Variants in DYSF observed in about 807,000 individuals in gnomAD.
DYSF encodes the protein dysferlin, also known as dystrophy-associated fer-1-like 1.
Under a neutral mutation model 274.9 loss-of-function variants are expected in DYSF, and 212 were observed. The ratio of observed to expected loss-of-function variants is 0.77; its 90% CI spans 0.69 to 0.86. The LOEUF (loss-of-function observed/expected upper bound fraction) is 0.86, where lower values mean the gene tolerates loss of function less well. Among genes scored for constraint, DYSF ranks in the 40% least tolerant of loss-of-function variants. The pLI, the probability that DYSF is intolerant of heterozygous loss-of-function variation, is 0.00. For synonymous variants in DYSF, 1,091 were observed against 1,078.7 expected (o/e 1.01, Z -0.22); for missense variants, 2,666 against 2,783.2 (o/e 0.96, Z 0.95).
intron 10 of DYSF, 80 bp downstream of exon 10, chr2:71,517,119 C>T: frequency 3.0e-6 from 4 of 1,312,294 alleles, no homozygotes; most frequent in Non-Finnish European, 4.4e-6. Context: ...TGGGCAGGGG[C>T]TCCAGAGATC....
chr2:71,544,328 C>T (rs2090283142), intron 17 of DYSF, among the ~76,000 whole-genome samples: 1 of 152,126 alleles, frequency 6.6e-6, no homozygotes, highest in African/African-American at 2.4e-5. Flanking sequence ...TTAACGTGCC[C>T]AGTTTCTGGC....
chr2:71,464,355 A>T (rs2081408242), upstream of DYSF, among the ~76,000 whole-genome samples: 1 of 152,244 alleles, frequency 6.6e-6, no homozygotes, highest in African/African-American at 2.4e-5. Flanking sequence ...TCTGATGGGG[A>T]AGACAGAAAA....
At chr2:71,565,008 G>T (rs77573349) in intron 24 of DYSF, among the ~76,000 whole-genome samples, 2,580 of 152,284 alleles carry the variant, frequency 0.017, 78 homozygotes, top group African/African-American at 0.058. Flanking sequence ...CCCAAGGGAG[G>T]GCCCTCCTTG....
chr2:71,456,003 G>A (rs375599289), intron 1 of DYSF, among the ~76,000 whole-genome samples: 7 of 152,304 alleles, frequency 4.6e-5, no homozygotes, highest in African/African-American at 1.7e-4. Context: ...AGTGCAGGAA[G>A]TGCTGCTGGT....
chr2:71,582,791 C>T (rs531803534), intron 30 of DYSF, among the ~76,000 whole-genome samples: 4 of 152,212 alleles, frequency 2.6e-5, no homozygotes, highest in Admixed American at 6.5e-5. Context: ...TGGGAAGAGA[C>T]GGGCAGTAGC....
intron 30 of DYSF, among the ~76,000 whole-genome samples, chr2:71,585,874 G>A (rs866353879): frequency 6.6e-6 from 1 of 152,166 alleles, no homozygotes; most frequent in African/African-American, 2.4e-5. Context: ...AAGTGGGAGT[G>A]CCCAGGAGGG....
At chr2:71,560,801 G>A (rs2091696879) in intron 22 of DYSF, among the ~76,000 whole-genome samples, 2 of 152,148 alleles carry the variant, frequency 1.3e-5, no homozygotes. Flanking sequence ...TGCTGCAAGT[G>A]GTGGGAGCAG....
At chr2:71,605,459 G>A (rs1033881087) in intron 36 of DYSF, among the ~76,000 whole-genome samples, 4 of 152,158 alleles carry the variant, frequency 2.6e-5, no homozygotes, top group Non-Finnish European at 4.4e-5. Flanking sequence ...AATGCCCAGG[G>A]CCCCCTAGGA....
At chr2:71,656,473 T>A (rs1385938001) in intron 43 of DYSF, among the ~76,000 whole-genome samples, 183 bp downstream of exon 43, 4 of 152,062 alleles carry the variant, frequency 2.6e-5, no homozygotes, top group Non-Finnish European at 4.4e-5. Context: ...TGGGATGGTG[T>A]TGGGCTTGGT....
intron 41 of DYSF, among the ~76,000 whole-genome samples, chr2:71,626,783 C>A (rs1383740922): frequency 1.3e-5 from 2 of 151,880 alleles, no homozygotes; most frequent in East Asian, 3.8e-4. Context: ...TTGGTAGATT[C>A]ACTCATAAAA....
intron 7 of DYSF, 48 bp downstream of exon 7, chr2:71,513,969 C>G (rs1422768202): frequency 6.2e-7 from 1 of 1,609,264 alleles, no homozygotes; most frequent in Admixed American, 1.7e-5. Flanking sequence ...CAGCCATCAG[C>G]TGCGGGTGCC....
In DYSF at chr2:71,499,475, T is replaced by A. The variant is rs567312163; in HGVS notation, c.240-3739T>A. On this transcript the variant is annotated intron_variant, in intron 3 of 55. Transcript: ENST00000410020. ...TAAAATAAAATTGTTTTGATTTCTTTGTGCTTTATTAAAATAAATTGACTT... is the reference window on the plus strand; with the variant it reads ...TAAAATAAAATTGTTTTGATTTCTTAGTGCTTTATTAAAATAAATTGACTT... Among the ~76,000 whole-genome samples, 44 of 152,380 alleles carry A rather than the reference T, an allele frequency of 2.9e-4. No individual in the cohort carries two copies. The East Asian group carries it at 6.9e-3, about 24-fold the overall frequency.
Position 71,513,304 on chromosome 2 carries a change from C to G in DYSF, c.525C>G (p.Tyr175Ter). Residue 175 changes from tyrosine (Y) to a stop codon, truncating the protein, a stop_gained, in exon 6 of 56, where the codon TAC becomes TAG. Coordinates refer to ENST00000410020, the MANE Select transcript of DYSF (RefSeq NM_001130987.2). LOFTEE classifies it high-confidence loss of function. ...GTGACAGCACCATGGACACGAGATA[C>G]TCTGGAAAGAAGTGGCCGGCCCCCA... ...LLSDSTMDTRYSGKKWPAPTD... is the reference protein window; with the variant it reads ...LLSDSTMDTR 6.4e-7 allele frequency: 1 copy of G among 1,551,678 alleles called. No homozygotes were observed. The highest frequency in any genetic ancestry group is 1.4e-5 in the African/African-American group (1 of 73,160).
intron 26 of DYSF, among the ~76,000 whole-genome samples, chr2:71,569,451 A>G (rs1053834640): frequency 3.9e-5 from 6 of 152,218 alleles, no homozygotes; most frequent in African/African-American, 1.4e-4. Flanking sequence ...TTACTTAAAA[A>G]AATTGAAGTA....
At chr2:71,609,762 T>C (rs6718994) in intron 36 of DYSF, among the ~76,000 whole-genome samples, 99,423 of 151,994 alleles carry the variant, frequency 0.65, 33,887 homozygotes, top group African/African-American at 0.87. Context: ...TGCACAGGAG[T>C]GTGGCTTGGG....
At chr2:71,491,814 C>G (rs139555426) in intron 3 of DYSF, among the ~76,000 whole-genome samples, 3 of 152,290 alleles carry the variant, frequency 2.0e-5, no homozygotes, top group Non-Finnish European at 4.4e-5. Flanking sequence ...AGTCTATCAT[C>G]GATGGGCATT....
chr2:71,571,086 GCACA>G (rs1344105183), intron 29 of DYSF, among the ~76,000 whole-genome samples: 1 of 120,700 alleles, frequency 8.3e-6, no homozygotes, highest in Non-Finnish European at 1.6e-5. Context: ...ATTACACCCA[GCACA>G]CACACAGATC....
intron 1 of DYSF, among the ~76,000 whole-genome samples, chr2:71,478,018 A>G (rs1346406782): frequency 6.7e-6 from 1 of 148,840 alleles, no homozygotes; most frequent in African/African-American, 2.5e-5. Flanking sequence ...TAAAAGTGTC[A>G]CTTTTCCTTT....
At chr2:71,551,248 C>T in intron 18 of DYSF, 92 bp downstream of exon 18, 2 of 1,369,016 alleles carry the variant, frequency 1.5e-6, no homozygotes, top group Non-Finnish European at 2.1e-6. Context: ...CCAGCCCCTC[C>T]TGGGGGCCCA....
Sources: gnomAD v4.1 joint callset for allele counts (sites outside exome capture counted in the v4.1 genomes callset) on GRCh38, gnomAD v4.1.1 for gene constraint, MANE v1.5 for transcripts, NCBI Gene and HGNC (gene_info 2026-07-23, HGNC 2026-07-21) for gene names.